Variants in SEC11A observed in about 807,000 individuals in gnomAD.
SEC11A encodes the protein signal peptidase complex catalytic subunit SEC11A.
A neutral mutation model predicts 25.6 loss-of-function variants in SEC11A; 14 were observed. The ratio of observed to expected loss-of-function variants is 0.55; its 90% CI spans 0.36 to 0.85. The LOEUF is 0.85. Ranked by LOEUF, SEC11A falls within the 40% of genes least tolerant of loss-of-function variation. SEC11A has a pLI of 0.01. For missense variants in SEC11A, 153 were observed against 222.9 expected (o/e 0.69, Z 2.00); for synonymous variants, 83 against 76.4 (o/e 1.09, Z -0.45).
chr15:84,676,128 C>A (rs1897126102), intron 4 of SEC11A, among the ~76,000 whole-genome samples: 1 of 152,082 alleles, frequency 6.6e-6, no homozygotes, highest in Admixed American at 6.6e-5. Flanking sequence ...GAATTGTACT[C>A]TTTAAGATGG....
rs770502417 is a variant in SEC11A at position 84,685,634 on chromosome 15, C to T, written c.311+1991G>A. 9.9e-5 allele frequency among the ~76,000 whole-genome samples: 15 copies of T among 151,980 alleles called. 1 individual carries two copies. Among genetic ancestry groups the T allele is most frequent in the Non-Finnish European group, 1.9e-4 (13 of 68,014 alleles). ...TGGAGAAATTTTCCTCCAGCTTAAA[C>T]AAGGCCTGAGCTTAATTTGATTCTC... On this transcript the variant is annotated intron_variant, in intron 3 of 5. Transcript: ENST00000268220.
chr15:84,678,064 G>A (rs1261032639), intron 4 of SEC11A, among the ~76,000 whole-genome samples: 1 of 152,034 alleles, frequency 6.6e-6, no homozygotes. Flanking sequence ...AGGAATTGTG[G>A]CACACACCTG....
rs116896350 is a variant in SEC11A at position 84,689,272 on chromosome 15, G to C, written c.162-1498C>G. ...TAAATGTTCTTATCACAAAAAAATA[G>C]AAAGGGAAGAAACTTTTGAAAGTGA... On this transcript the variant is annotated intron_variant, in intron 2 of 5. Coordinates refer to ENST00000268220, the MANE Select transcript of SEC11A (RefSeq NM_014300.4). 7.0e-3 allele frequency among the ~76,000 whole-genome samples: 1,063 copies of C among 152,158 alleles called. 11 individuals carry two copies. The highest frequency in any genetic ancestry group is 0.012 in the Non-Finnish European group (801 of 68,012).
intron 4 of SEC11A, among the ~76,000 whole-genome samples, 174 bp downstream of exon 4, chr15:84,680,539 A>G (rs1388800665): frequency 2.0e-5 from 3 of 152,222 alleles, no homozygotes; most frequent in Non-Finnish European, 2.9e-5. Context: ...TTGGAGTAGT[A>G]TACCTGAAAT....
At chr15:84,682,814 A>G (rs1897315114) in intron 3 of SEC11A, among the ~76,000 whole-genome samples, 1 of 152,218 alleles carries the variant, frequency 6.6e-6, no homozygotes, top group South Asian at 2.1e-4. Flanking sequence ...TGAAGTTTCT[A>G]GTAATTTTAA....
chr15:84,676,310 C>T (rs1567033730), intron 4 of SEC11A, among the ~76,000 whole-genome samples: 1 of 151,594 alleles, frequency 6.6e-6, no homozygotes, highest in African/African-American at 2.4e-5. Flanking sequence ...ACTAAAAATA[C>T]AAAAAATTAG....
chr15:84,699,127 C>T (rs1487034486), intron 1 of SEC11A, among the ~76,000 whole-genome samples: 3 of 151,920 alleles, frequency 2.0e-5, no homozygotes, highest in African/African-American at 7.3e-5. Context: ...CCAGCCTGGC[C>T]AACATGGCGA....
intron 1 of SEC11A, among the ~76,000 whole-genome samples, chr15:84,702,901 A>G (rs1252093718): frequency 1.3e-5 from 2 of 152,112 alleles, no homozygotes; most frequent in Non-Finnish European, 2.9e-5. Context: ...AACTTACTCT[A>G]TTTATTTAGT....
intron 1 of SEC11A, among the ~76,000 whole-genome samples, chr15:84,702,581 G>A (rs761782063): frequency 1.3e-5 from 2 of 151,946 alleles, no homozygotes; most frequent in African/African-American, 2.4e-5. Flanking sequence ...TGAGATTATA[G>A]ACACAAGCAA....
intron 1 of SEC11A, among the ~76,000 whole-genome samples, chr15:84,710,824 A>G (rs560643688): frequency 6.6e-6 from 1 of 152,260 alleles, no homozygotes; most frequent in South Asian, 2.1e-4. Context: ...AAAAACACAC[A>G]TATCTTTGGG....
intron 1 of SEC11A, among the ~76,000 whole-genome samples, chr15:84,698,434 C>G (rs1897827837): frequency 6.6e-6 from 1 of 152,090 alleles, no homozygotes; most frequent in South Asian, 2.1e-4. Context: ...CTTTCTAACT[C>G]ATGAAAGGAG....
At chr15:84,704,935 T>C (rs1337361753) in intron 1 of SEC11A, among the ~76,000 whole-genome samples, 2 of 150,722 alleles carry the variant, frequency 1.3e-5, no homozygotes, top group Admixed American at 6.6e-5. Context: ...TTTTTTTCTC[T>C]TTTTAAAGAG....
chr15:84,684,639 A>C (rs1897367156), intron 3 of SEC11A, among the ~76,000 whole-genome samples: 2 of 152,194 alleles, frequency 1.3e-5, no homozygotes, highest in Non-Finnish European at 2.9e-5. Context: ...TAATACTATT[A>C]AACCAAATGG....
chr15:84,678,698 A>G (rs1426489370), intron 4 of SEC11A, among the ~76,000 whole-genome samples: 1 of 152,188 alleles, frequency 6.6e-6, no homozygotes, highest in Non-Finnish European at 1.5e-5. Context: ...TTGTATAAAT[A>G]TGTACATACT....
intron 5 of SEC11A, 35 bp downstream of exon 5, chr15:84,670,681 AAAAGATTAC>A: frequency 9.6e-7 from 1 of 1,038,482 alleles, no homozygotes; most frequent in Non-Finnish European, 1.4e-6. Flanking sequence ...TGCCTGGCCC[AAAAGATTAC>A]ATTTTTTAAT....
At position 84,702,653 on chromosome 15, in the gene SEC11A, C is replaced by T. The variant is rs116195422; in HGVS notation, c.52-11009G>A. On this transcript the variant is annotated intron_variant, in intron 1 of 5. Transcript: ENST00000268220. ...TTACACAACTTTACATATTAGACAACTTTGATGAAGTAAGTCAATTCCTTG... is the reference window on the plus strand; with the variant it reads ...TTACACAACTTTACATATTAGACAATTTTGATGAAGTAAGTCAATTCCTTG... 6.6e-3 allele frequency among the ~76,000 whole-genome samples: 1,006 copies of T among 152,118 alleles called. 11 individuals carry two copies. The highest frequency in any genetic ancestry group is 0.023 in the African/African-American group (953 of 41,498).
chr15:84,691,090 T>G (rs75824919), intron 2 of SEC11A, among the ~76,000 whole-genome samples: 1 of 147,714 alleles, frequency 6.8e-6, no homozygotes, highest in Non-Finnish European at 1.5e-5. Context: ...TTTTTTTTTT[T>G]GGAGACAGGG....
chr15:84,680,742 C>T lies in SEC11A; in HGVS notation c.402G>A (p.Glu134=). The T allele has an allele frequency of 6.2e-7, 1 of 1,612,102 alleles. No homozygotes were observed. ...GLYKQGQHWL[E]KKDVVGRARG... ...TGGCTCTCCCCACAACATCTTTTTT[C>T]TCTAGCCAATGTTGTCCTTGTTTAT... The change falls in exon 4 of 6, where the codon GAG becomes GAA. Residue 134 remains glutamate (E), a synonymous_variant. Coordinates refer to ENST00000268220, the MANE Select transcript of SEC11A (RefSeq NM_014300.4).
In SEC11A at chr15:84,711,113, T is replaced by G. The variant is rs186573412; in HGVS notation, c.51+4912A>C. The stretch of plus-strand genomic sequence containing the variant: ...TCATATTAAGGCTGGGCGCAGTGAC[T>G]CACACCTATATTCAATCCCAGCTCT... On this transcript the variant is annotated intron_variant, in intron 1 of 5. Coordinates refer to ENST00000268220, the MANE Select transcript of SEC11A (RefSeq NM_014300.4). Among the ~76,000 whole-genome samples, 874 of 150,358 alleles carry G rather than the reference T, an allele frequency of 5.8e-3. 5 individuals are homozygous for G. Among genetic ancestry groups the G allele is most frequent in the Middle Eastern group, 0.018 (5 of 280 alleles).
Sources: gnomAD v4.1 joint callset for allele counts (sites outside exome capture counted in the v4.1 genomes callset) on GRCh38, gnomAD v4.1.1 for gene constraint, MANE v1.5 for transcripts, NCBI Gene and HGNC (gene_info 2026-07-23, HGNC 2026-07-21) for gene names.